Variants in UNC5D observed in about 807,000 individuals in gnomAD.
The protein encoded by UNC5D is unc-5 netrin receptor D.
In UNC5D, 39 loss-of-function variants were observed where a neutral mutation model predicts 105.4. The observed-to-expected ratio is 0.37, with a 90% CI of 0.29 to 0.48. UNC5D has a LOEUF of 0.48. UNC5D is among the 20% of genes least tolerant of loss of function. UNC5D has a pLI of 0.98. For missense variants in UNC5D, 991 were observed against 1,202.4 expected (o/e 0.82, Z 2.60); for synonymous variants, 452 against 450.4 (o/e 1.00, Z -0.04).
chr8:35,389,133 G>A (rs1276798789), intron 1 of UNC5D, among the ~76,000 whole-genome samples: 1 of 152,192 alleles, frequency 6.6e-6, no homozygotes, highest in African/African-American at 2.4e-5. Flanking sequence ...TACACTACAT[G>A]TGTATCACAA....
Position 35,793,117 on chromosome 8 carries a change from G to C in UNC5D, c.*2554G>C. On this transcript the variant is annotated 3_prime_UTR_variant, in exon 17 of 17. Transcript: ENST00000404895. ...TCAGCCTGTCTTGTTTCTTCTTTAT[G>C]TTTCTTTTACTTATTGCTGCTAGGA... 2.2e-6 allele frequency: 1 copy of C among 453,688 alleles called. No individual in the cohort carries two copies. Among genetic ancestry groups the C allele is most frequent in the Non-Finnish European group, 4.4e-6 (1 of 226,128 alleles). 28.1% of individuals were successfully genotyped at this position (453,688 alleles called of 1,614,324 possible).
At chr8:35,381,663 T>C (rs1228734615) in intron 1 of UNC5D, among the ~76,000 whole-genome samples, 7 of 152,230 alleles carry the variant, frequency 4.6e-5, no homozygotes, top group Non-Finnish European at 2.9e-5. Context: ...TTTTTTTCCC[T>C]AGTCTGAAGC....
At chr8:35,383,677 A>G (rs749897712) in intron 1 of UNC5D, among the ~76,000 whole-genome samples, 2 of 152,198 alleles carry the variant, frequency 1.3e-5, no homozygotes, top group Non-Finnish European at 2.9e-5. Flanking sequence ...GGGCTTTACA[A>G]TTAATTGCAG....
At chr8:35,495,885 G>A (rs1189842069) in intron 1 of UNC5D, among the ~76,000 whole-genome samples, 2 of 152,042 alleles carry the variant, frequency 1.3e-5, no homozygotes, top group African/African-American at 4.8e-5. Context: ...ATTATTTAAG[G>A]TCAAGTACCA....
chr8:35,674,657 A>G (rs1390210098), intron 4 of UNC5D, among the ~76,000 whole-genome samples: 1 of 152,148 alleles, frequency 6.6e-6, no homozygotes, highest in Non-Finnish European at 1.5e-5. Flanking sequence ...GCGAATGAGA[A>G]ATGTATTGGT....
intron 1 of UNC5D, among the ~76,000 whole-genome samples, chr8:35,321,008 C>G (rs557682411): frequency 5.8e-4 from 88 of 152,198 alleles, no homozygotes; most frequent in South Asian, 1.2e-3. Flanking sequence ...CTCCTTTGTT[C>G]TCTGGAGCAT....
intron 4 of UNC5D, among the ~76,000 whole-genome samples, chr8:35,611,795 T>C (rs1478241867): frequency 6.6e-6 from 1 of 152,222 alleles, no homozygotes; most frequent in South Asian, 2.1e-4. Flanking sequence ...TTCAAAACAA[T>C]TCATTATCCC....
chr8:35,285,291 C>T (rs191003509), intron 1 of UNC5D, among the ~76,000 whole-genome samples: 12 of 152,254 alleles, frequency 7.9e-5, no homozygotes, highest in Admixed American at 6.5e-4. Flanking sequence ...AACTTATTTT[C>T]GGGCAAACAC....
Position 35,665,958 on chromosome 8 carries a change from CTT to C in UNC5D, c.571-17577_571-17576del, listed in dbSNP as rs35368800. Among the ~76,000 whole-genome samples, 512 of 142,060 alleles carry C rather than the reference CTT, an allele frequency of 3.6e-3. 4 individuals carry two copies. Among genetic ancestry groups the C allele is most frequent in the African/African-American group, 0.012 (477 of 39,410 alleles). The allele number at this position is 142,060 out of a possible 152,430, so 93.2% of individuals were successfully genotyped here. On this transcript the variant is annotated intron_variant, in intron 4 of 16. Transcript: ENST00000404895. ...ATATTTAATTCCAAACTTGGTTATA[CTT>C]TTTTTTTTTTTGACAATTTTGATCA... is the stretch of plus-strand genomic sequence containing the variant.
At chr8:35,292,716 C>CTTTTTTTT (rs35935733) in intron 1 of UNC5D, among the ~76,000 whole-genome samples, 1 of 123,638 alleles carries the variant, frequency 8.1e-6, no homozygotes. Flanking sequence ...CTTTTTTTTC[C>CTTTTTTTT]TTTTTTTTTT....
At chr8:35,438,232 A>G (rs34431730) in intron 1 of UNC5D, among the ~76,000 whole-genome samples, 42 of 152,054 alleles carry the variant, frequency 2.8e-4, no homozygotes, top group Non-Finnish European at 5.9e-4. Flanking sequence ...TCCATTTAGT[A>G]ATAATGGGAT....
intron 8 of UNC5D, among the ~76,000 whole-genome samples, chr8:35,713,101 T>C (rs965584643): frequency 6.6e-5 from 10 of 152,204 alleles, no homozygotes; most frequent in African/African-American, 2.4e-4. Context: ...AGCATAAGTA[T>C]ATATCTTTTC....
At chr8:35,696,116 A>G (rs1007962759) in intron 7 of UNC5D, among the ~76,000 whole-genome samples, 1 of 152,104 alleles carries the variant, frequency 6.6e-6, no homozygotes, top group African/African-American at 2.4e-5. Flanking sequence ...CAACATATGC[A>G]TTACTAGACT....
At chr8:35,617,991 T>C (rs527966813) in intron 4 of UNC5D, among the ~76,000 whole-genome samples, 15 of 152,358 alleles carry the variant, frequency 9.8e-5, no homozygotes, top group Middle Eastern at 6.8e-3. Flanking sequence ...CTGCCAGCAC[T>C]GGCCCTTGTG....
intron 1 of UNC5D, among the ~76,000 whole-genome samples, chr8:35,328,862 A>AG (rs1810382660): frequency 1.3e-5 from 2 of 152,060 alleles, no homozygotes; most frequent in African/African-American, 4.8e-5. Flanking sequence ...GAAGTATTCT[A>AG]TTTTTGTTTC....
chr8:35,406,750 A>C (rs1585769613), intron 1 of UNC5D, among the ~76,000 whole-genome samples: 1 of 152,178 alleles, frequency 6.6e-6, no homozygotes, highest in African/African-American at 2.4e-5. Context: ...TGAAGTCTAA[A>C]GAATGCTAGT....
intron 8 of UNC5D, among the ~76,000 whole-genome samples, chr8:35,719,696 A>C (rs1328519709): frequency 6.6e-6 from 1 of 152,134 alleles, no homozygotes; most frequent in Admixed American, 6.5e-5. Flanking sequence ...GAATTAGTGA[A>C]ATTATTATAA....
intron 1 of UNC5D, among the ~76,000 whole-genome samples, chr8:35,480,444 C>T (rs539700012): frequency 4.3e-4 from 66 of 152,240 alleles, no homozygotes; most frequent in South Asian, 1.9e-3. Context: ...TTGGTGTTAA[C>T]ATGACTTGGT....
At chr8:35,675,289 T>G (rs1422837786) in intron 4 of UNC5D, among the ~76,000 whole-genome samples, 7 of 152,184 alleles carry the variant, frequency 4.6e-5, no homozygotes, top group Non-Finnish European at 1.0e-4. Flanking sequence ...TGTTCTCATA[T>G]GTGTGCATGT....
Sources: allele counts gnomAD v4.1 joint callset (sites outside exome capture counted in the v4.1 genomes callset), GRCh38; gene constraint gnomAD v4.1.1; transcripts MANE v1.5; gene names NCBI Gene and HGNC (gene_info 2026-07-23, HGNC 2026-07-21).